TRIM11: variants seen among roughly 807,000 people sequenced by gnomAD.
TRIM11 encodes the protein tripartite motif containing 11.
TRIM11 carries 15 observed loss-of-function variants against 33.4 expected under a neutral mutation model. That is an observed-to-expected ratio of 0.45 (90% CI 0.30 to 0.69). The LOEUF (loss-of-function observed/expected upper bound fraction) is 0.69. TRIM11 is among the 30% of genes least tolerant of loss of function. The pLI, the probability that TRIM11 is intolerant of heterozygous loss-of-function variation, is 0.08. For missense variants in TRIM11, 499 were observed against 667.6 expected (o/e 0.75, Z 2.78); for synonymous variants, 281 against 302.6 (o/e 0.93, Z 0.74).
chr1:228,394,909 G>A lies in TRIM11; in HGVS notation c.1203C>T (p.Pro401=). 6.2e-7 allele frequency: 1 copy of A among 1,614,198 alleles called. No individual in the cohort carries two copies. Among genetic ancestry groups the A allele is most frequent in the South Asian group, 1.1e-5 (1 of 91,088 alleles). The change falls in exon 6 of 6, where the codon CCC becomes CCT. Residue 401 remains proline, a synonymous_variant. Coordinates refer to ENST00000284551, the MANE Select transcript of TRIM11 (RefSeq NM_145214.3). This position sits in a 1 kb window ranked among gnomAD's most constrained non-coding sequence, Gnocchi z 6.2. ...AGTCCAGAAAGATCCCCACGCGCCTGGGTGGGTCCCGGAGTGGAGCCAAGG... is the reference window on the plus strand; with the variant it reads ...AGTCCAGAAAGATCCCCACGCGCCTAGGTGGGTCCCGGAGTGGAGCCAAGG... The part of the protein sequence containing the change: ...ERALAPLRDP[P]RRVGIFLDYE...
intron 3 of TRIM11, among the ~76,000 whole-genome samples, chr1:228,399,535 G>T (rs1036613372): frequency 7.2e-6 from 1 of 138,356 alleles, no homozygotes; most frequent in Admixed American, 8.4e-5. Context: ...CCCATTTCCA[G>T]GTCAACTCAC....
In TRIM11 at chr1:228,394,850, G is replaced by A. The variant is rs1387484970; in HGVS notation, c.1262C>T (p.Thr421Ile). 1.9e-6 allele frequency: 3 copies of A among 1,614,000 alleles called. No homozygotes were observed. The Admixed American group carries it at 5.0e-5, about 27-fold the overall frequency. Residue 421 changes from threonine (T) to isoleucine (I), a missense_variant, in exon 6 of 6, where the codon ACC becomes ATC. Coordinates refer to ENST00000284551, the MANE Select transcript of TRIM11 (RefSeq NM_145214.3). This position sits in a 1 kb window ranked among gnomAD's most constrained non-coding sequence, Gnocchi z 6.2. ...EAGHLSFYSA[T>I]DGSLLFIFPE... ...AAAGATGAATAGCAGTGACCCATCG[G>A]TGGCACTGTAGAAAGAGAGATGTCC... is the stretch of plus-strand genomic sequence containing the variant.
chr1:228,405,829 C>G (rs1041978533), intron 1 of TRIM11: 4 of 299,816 alleles, frequency 1.3e-5, no homozygotes, highest in African/African-American at 8.7e-5. Flanking sequence ...TTTCCTTGCC[C>G]CCACTCCACC....
At position 228,406,784 on chromosome 1, in the gene TRIM11, G is replaced by C. The variant is rs1443829734; in HGVS notation, c.-223C>G. On this transcript the variant is annotated 5_prime_UTR_variant, in exon 1 of 6. Coordinates refer to ENST00000284551, the MANE Select transcript of TRIM11 (RefSeq NM_145214.3). The surrounding 1 kb of genome is among the most constrained non-coding windows in gnomAD (Gnocchi z 8.2). ...TGGGCGCGTAGGCTCCGAGCGCTCG[G>C]GGGACGCGGGACGTAGGGATCCCGG... The C allele has an allele frequency of 3.9e-5, 15 of 383,268 alleles. No individual in the cohort carries two copies. Among genetic ancestry groups the C allele is most frequent in the Non-Finnish European group, 5.5e-5 (12 of 219,940 alleles). 23.7% of individuals were successfully genotyped at this position (383,268 alleles called of 1,614,324 possible).
Position 228,403,330 on chromosome 1 carries a change from G to A in TRIM11, c.409-1169C>T, listed in dbSNP as rs1656294787. The A allele has an allele frequency of 6.6e-6, 1 of 152,270 alleles. No individual in the cohort carries two copies. The allele number at this position is 152,270 out of a possible 1,614,324, so 9.4% of individuals were successfully genotyped here. A position where few individuals can be genotyped will look rare whatever the true frequency, so the allele number is the denominator to read the frequency against. On this transcript the variant is annotated intron_variant, in intron 1 of 5. Transcript: ENST00000284551. The surrounding 1 kb of genome is among the most constrained non-coding windows in gnomAD (Gnocchi z 4.8). Reference sequence around the variant, plus strand: ...ATGGAGGTGCTGGGAGGGTCCAGAAGTCTGCCCCGGTAGCAGAGCCAGGAC... The same window carrying A: ...ATGGAGGTGCTGGGAGGGTCCAGAAATCTGCCCCGGTAGCAGAGCCAGGAC...
intron 1 of TRIM11, chr1:228,405,284 T>C (rs1231296659): frequency 6.6e-6 from 1 of 152,292 alleles, no homozygotes; most frequent in Non-Finnish European, 1.5e-5. Flanking sequence ...AAGTTTGCTC[T>C]GTGATAGGGA....
chr1:228,401,009 G>A lies in TRIM11; in HGVS notation c.690C>T (p.Ala230=), dbSNP rs549424192. 156 of 1,603,352 alleles carry A rather than the reference G, an allele frequency of 9.7e-5. No individual in the cohort carries two copies. The East Asian group carries it at 3.2e-3, about 33-fold the overall frequency. ...GCAGCTGGCAGCGGCCCTCGAGCTC[G>A]GCGATGAGCTCAGCTAGGTGGGCGC... ...QQSAHLAELI[A]ELEGRCQLPA... is the part of the protein sequence containing the mutation. The change falls in exon 3 of 6, where the codon GCC becomes GCT. Residue 230 remains alanine (A), a synonymous_variant. Transcript: ENST00000284551. This position sits in a 1 kb window ranked among gnomAD's most constrained non-coding sequence, Gnocchi z 6.1.
chr1:228,406,092 C>T lies in TRIM11; in HGVS notation c.408+62G>A. On this transcript the variant is annotated intron_variant, in intron 1 of 5. Transcript: ENST00000284551. This position sits in a 1 kb window ranked among gnomAD's most constrained non-coding sequence, Gnocchi z 8.2. Reference sequence around the variant, plus strand: ...AGCAGTCCCCCAAACCTCCCACCCGCCCAGGCCTCCCCAGTCCCCGGCTCC... The same window carrying T: ...AGCAGTCCCCCAAACCTCCCACCCGTCCAGGCCTCCCCAGTCCCCGGCTCC... 1 of 1,310,082 alleles carries T rather than the reference C, an allele frequency of 7.6e-7. No homozygotes were observed. The highest frequency in any genetic ancestry group is 9.8e-7 in the Non-Finnish European group (1 of 1,024,696). The allele number at this position is 1,310,082 out of a possible 1,614,324, so 81.2% of individuals were successfully genotyped here. A position where few individuals can be genotyped will look rare whatever the true frequency, so the allele number is the denominator to read the frequency against.
chr1:228,400,967 C>T lies in TRIM11; in HGVS notation c.732G>A (p.Leu244=). 1 of 1,567,432 alleles carries T rather than the reference C, an allele frequency of 6.4e-7. No homozygotes were observed. ...GRCQLPALGL[L]QDIKDALRRV... is the part of the protein sequence containing the mutation. Reference sequence around the variant, plus strand: ...GGCTGCTCCCCGCCCAGCTCACCTGCAGCAGCCCCAGAGCAGGCAGCTGGC... The same window carrying T: ...GGCTGCTCCCCGCCCAGCTCACCTGTAGCAGCCCCAGAGCAGGCAGCTGGC... The change falls in exon 3 of 6, where the codon CTG becomes CTA. Residue 244 remains leucine (L), a synonymous_variant. Coordinates refer to ENST00000284551, the MANE Select transcript of TRIM11 (RefSeq NM_145214.3). The surrounding 1 kb of genome is among the most constrained non-coding windows in gnomAD (Gnocchi z 4.5).
At chr1:228,397,635 G>C (rs538019025) in intron 3 of TRIM11, 1 of 167,046 alleles carries the variant, frequency 6.0e-6, no homozygotes, top group African/African-American at 2.4e-5. Context: ...CCACTCTTGG[G>C]CGTGCGTCCT....
intron 5 of TRIM11, chr1:228,396,615 C>A (rs900783521): frequency 2.9e-6 from 2 of 682,170 alleles, no homozygotes; most frequent in Non-Finnish European, 5.5e-6. Flanking sequence ...TGACTGGCAT[C>A]TGAAGTGGGG....
In TRIM11 at chr1:228,401,313, C is replaced by T; in HGVS notation, c.505-119G>A. On this transcript the variant is annotated intron_variant, in intron 2 of 5. Transcript: ENST00000284551. The surrounding 1 kb of genome is among the most constrained non-coding windows in gnomAD (Gnocchi z 6.1). ...GCTGCACCCAACCCCACCCCCGGGG[C>T]CTGCTAAAGCCAAAGCACAGCACCA... The T allele has an allele frequency of 8.0e-7, 1 of 1,253,628 alleles. No individual in the cohort carries two copies. Among genetic ancestry groups the T allele is most frequent in the Non-Finnish European group, 1.1e-6 (1 of 915,968 alleles). 77.7% of individuals were successfully genotyped at this position (1,253,628 alleles called of 1,614,324 possible).
Position 228,395,172 on chromosome 1 carries a change from G to C in TRIM11, c.940C>G (p.Leu314Val). 1 of 1,524,330 alleles carries C rather than the reference G, an allele frequency of 6.6e-7. No individual in the cohort carries two copies. The highest frequency in any genetic ancestry group is 1.3e-5 in the South Asian group (1 of 78,250). 94.4% of individuals were successfully genotyped at this position (1,524,330 alleles called of 1,614,324 possible). A position where few individuals can be genotyped will look rare whatever the true frequency, so the allele number is the denominator to read the frequency against. The change falls in exon 6 of 6, where the codon CTA (leucine) becomes GTA (valine). Residue 314 changes from leucine (L) to valine (V), a missense_variant. Leu to Val is a conservative substitution (Grantham distance 32). Coordinates refer to ENST00000284551, the MANE Select transcript of TRIM11 (RefSeq NM_145214.3). The surrounding 1 kb of genome is among the most constrained non-coding windows in gnomAD (Gnocchi z 4.8). ...GGGCTGTCCGGCAGGGCCTGCCGTA[G>C]GTCCCCCCGCTGCACGCTCCGCCTG... Reference protein sequence around the residue: ...EDRRSVQRGDLRQALPDSPER... With the variant: ...EDRRSVQRGDVRQALPDSPER...
rs150988276 is a variant in TRIM11, at chr1:228,406,039, G to A, written c.408+115C>T. On this transcript the variant is annotated intron_variant, in intron 1 of 5. Transcript: ENST00000284551. The surrounding 1 kb of genome is among the most constrained non-coding windows in gnomAD (Gnocchi z 8.2). ...CAGCAGGCTGCATCCTGAGCTCCCCGCCCTAGACAGAGACAGATTACTCCC... is the reference window on the plus strand; with the variant it reads ...CAGCAGGCTGCATCCTGAGCTCCCCACCCTAGACAGAGACAGATTACTCCC... 4.3e-4 allele frequency: 525 copies of A among 1,212,062 alleles called. 8 individuals are homozygous for A. The East Asian group carries it at 0.015, about 35-fold the overall frequency. 75.1% of individuals were successfully genotyped at this position (1,212,062 alleles called of 1,614,324 possible).
rs1656138750 is a variant in TRIM11, at chr1:228,400,195, G to A, written c.735+769C>T. Among the ~76,000 whole-genome samples, 1 of 152,246 alleles carries A rather than the reference G, an allele frequency of 6.6e-6. No homozygotes were observed. On this transcript the variant is annotated intron_variant, in intron 3 of 5. Transcript: ENST00000284551. This position sits in a 1 kb window ranked among gnomAD's most constrained non-coding sequence, Gnocchi z 4.5. ...GGCCCCTTGAGTCTACACCATGCTG[G>A]GCATGGAACACGTTCTCCATTTTGT...
Position 228,397,253 on chromosome 1 carries a change from G to A in TRIM11, c.736-88C>T, listed in dbSNP as rs373313791. On this transcript the variant is annotated intron_variant, in intron 3 of 5. Transcript: ENST00000284551. ...CTCCCCGCCCCTGGAGCCTCGCCCC[G>A]TCCCCCTCTCCTACATTTGAGCGTC... 225 of 1,448,012 alleles carry A rather than the reference G, an allele frequency of 1.6e-4. 1 individual carries two copies. The highest frequency in any genetic ancestry group is 2.6e-4 in the Middle Eastern group (1 of 3,886). The allele number at this position is 1,448,012 out of a possible 1,614,324, so 89.7% of individuals were successfully genotyped here.
intron 3 of TRIM11, among the ~76,000 whole-genome samples, chr1:228,398,497 C>T (rs968378889): frequency 6.6e-6 from 1 of 152,162 alleles, no homozygotes; most frequent in Non-Finnish European, 1.5e-5. Flanking sequence ...TGTGTGCCTA[C>T]AGTCCCACCT....
At position 228,394,529 on chromosome 1, in the gene TRIM11, A is replaced by T; in HGVS notation, c.*176T>A. On this transcript the variant is annotated 3_prime_UTR_variant, in exon 6 of 6. Transcript: ENST00000284551. The surrounding 1 kb of genome is among the most constrained non-coding windows in gnomAD (Gnocchi z 6.2). ...GACGGAGCCTGCCCCACACTCTCCC[A>T]CAGTTTCCTGGAGTGCTAGAATTGG... The T allele has an allele frequency of 4.1e-6, 3 of 737,334 alleles. No homozygotes were observed. Among genetic ancestry groups the T allele is most frequent in the Non-Finnish European group, 6.4e-6 (3 of 470,788 alleles). 45.7% of individuals were successfully genotyped at this position (737,334 alleles called of 1,614,324 possible). A position where few individuals can be genotyped will look rare whatever the true frequency, so the allele number is the denominator to read the frequency against.
At chr1:228,399,447 A>G (rs1357165327) in intron 3 of TRIM11, among the ~76,000 whole-genome samples, 3 of 149,842 alleles carry the variant, frequency 2.0e-5, no homozygotes, top group South Asian at 2.1e-4. Context: ...ATGAGACCCA[A>G]CACCCACCCA....
Sources: allele counts gnomAD v4.1 joint callset (sites outside exome capture counted in the v4.1 genomes callset), GRCh38; gene constraint gnomAD v4.1.1; non-coding constraint Gnocchi (gnomAD v3.1); transcripts MANE v1.5; gene names NCBI Gene and HGNC (gene_info 2026-07-23, HGNC 2026-07-21).